PSG2: variants seen among roughly 807,000 people sequenced by gnomAD.
PSG2 encodes the protein pregnancy specific beta-1-glycoprotein 2, also known as pregnancy-specific beta-1-glycoprotein 2.
A neutral mutation model predicts 36.2 loss-of-function variants in PSG2; 49 were observed. The ratio of observed to expected loss-of-function variants is 1.35; its 90% CI spans 1.08 to 1.72. PSG2 has a LOEUF of 1.72. Ranked by LOEUF, PSG2 falls within the 40% of genes most tolerant of loss-of-function variation. PSG2 has a pLI of 0.00. For synonymous variants in PSG2, 261 were observed against 155.6 expected, an observed-to-expected ratio of 1.68 and a Z score of -5.04; for missense variants, 605 against 407.2, an observed-to-expected ratio of 1.49 and a Z score of -4.18.
intron 2 of PSG2, among the ~76,000 whole-genome samples, chr19:43,077,244 A>T (rs188627087): frequency 4.6e-4 from 70 of 151,798 alleles, no homozygotes; most frequent in African/African-American, 1.6e-3. Context: ...AAGATGCCAA[A>T]GGTGATTGGA....
chr19:43,069,723 AT>A (rs1201699595), intron 4 of PSG2, among the ~76,000 whole-genome samples: 11 of 151,732 alleles, frequency 7.2e-5, no homozygotes, highest in Admixed American at 2.0e-4. Context: ...AAAGATCTAA[AT>A]GTAAGAGCAA....
intron 3 of PSG2, among the ~76,000 whole-genome samples, chr19:43,072,871 G>A (rs1967839380): frequency 6.6e-6 from 1 of 151,694 alleles, no homozygotes; most frequent in South Asian, 2.1e-4. Context: ...GCAGTGTTGG[G>A]TCATGGACAG....
chr19:43,065,749 G>T (rs1458280630), intron 5 of PSG2: 1 of 151,736 alleles, frequency 6.6e-6, no homozygotes, highest in Non-Finnish European at 1.5e-5. Context: ...ATCAGGAAAA[G>T]ATCTCAACCA....
chr19:43,077,087 G>A (rs1371222380), intron 2 of PSG2, among the ~76,000 whole-genome samples: 2 of 151,540 alleles, frequency 1.3e-5, no homozygotes, highest in African/African-American at 4.9e-5. Flanking sequence ...AAAATTTGGA[G>A]GAAATATTAA....
rs1967885052 is a variant in PSG2, at chr19:43,075,645, C to A, written c.431-13G>T. On this transcript the variant is annotated splice_polypyrimidine_tract_variant and intron_variant, in intron 2 of 5. Transcript: ENST00000406487. ...TTGGGAGTCTCCACTGTGCAGAAAA[C>A]AGAGAGAAGATTGCCCTGTGTGGCA... 1 of 1,607,412 alleles carries A rather than the reference C, an allele frequency of 6.2e-7. No individual in the cohort carries two copies. The highest frequency in any genetic ancestry group is 1.1e-5 in the South Asian group (1 of 90,550).
chr19:43,074,724 A>G (rs1967866432), intron 3 of PSG2, among the ~76,000 whole-genome samples: 1 of 151,740 alleles, frequency 6.6e-6, no homozygotes, highest in African/African-American at 2.4e-5. Context: ...CCTCTTGATT[A>G]TGAGATTTGT....
Position 43,079,830 on chromosome 19 carries a change from A to T in PSG2, c.430+1051T>A, listed in dbSNP as rs987565993. 2.5e-4 allele frequency among the ~76,000 whole-genome samples: 38 copies of T among 151,538 alleles called. 1 individual carries two copies. Among genetic ancestry groups the T allele is most frequent in the African/African-American group, 9.0e-4 (37 of 41,018 alleles). ...CAATAAATGACATGGGGTCCTTGGG[A>T]CCCAGTAAGCCCTCACTTCTGGTGG... On this transcript the variant is annotated intron_variant, in intron 2 of 5. Transcript: ENST00000406487.
chr19:43,077,704 C>T (rs1203096362), intron 2 of PSG2, among the ~76,000 whole-genome samples: 1 of 151,798 alleles, frequency 6.6e-6, no homozygotes, highest in Non-Finnish European at 1.5e-5. Flanking sequence ...GTGTACGTTA[C>T]AGCATTTGTA....
In PSG2 at chr19:43,081,235, T is replaced by G. The variant is rs747707991; in HGVS notation, c.76A>C (p.Asn26His). The change falls in exon 2 of 6, where the codon AAC becomes CAC. Residue 26 changes from asparagine (N) to histidine (H), a missense_variant. By Grantham distance (68) the Asn-to-His change is moderately conservative (BLOSUM62 1). Transcript: ENST00000406487. ...KGLLVTASLL[N>H]FWNLPTTAQV... ...GCAGTGGTGGGCAGGTTCCAGAAGT[T>G]TAAAAGTGATGCTAGGAGGTGGAGA... 17 of 1,611,646 alleles carry G rather than the reference T, an allele frequency of 1.1e-5. 1 individual carries two copies. The highest frequency in any genetic ancestry group is 8.1e-5 in the African/African-American group (6 of 73,906).
Position 43,081,042 on chromosome 19 carries a change from A to G in PSG2, c.269T>C (p.Ile90Thr). The change falls in exon 2 of 6, where the codon ATA (isoleucine) becomes ACA (threonine). Residue 90 changes from isoleucine to threonine, a missense_variant. By Grantham distance (89) the Ile-to-Thr change is moderately conservative. Coordinates refer to ENST00000406487, the MANE Select transcript of PSG2 (RefSeq NM_031246.4). The stretch of plus-strand genomic sequence containing the variant: ...TCGTCCACTATATGCAGGCCCATAT[A>G]TAATTATTTGACCGTCTACTACATA... ...TSYVVDGQII[I>T]YGPAYSGRET... The G allele has an allele frequency of 1.2e-6, 2 of 1,612,930 alleles. No homozygotes were observed. The highest frequency in any genetic ancestry group is 1.1e-5 in the South Asian group (1 of 91,036).
Position 43,081,113 on chromosome 19 carries a change from G to C in PSG2, c.198C>G (p.Ile66Met), listed in dbSNP as rs1967966493. The stretch of plus-strand genomic sequence containing the variant: ...GGTCCCTGATTTGCCCTTTGTACCA[G>C]ATGTAGCCAGTAAGATTCTGGGGCA... The part of the protein sequence containing the change: ...HNLPQNLTGY[I>M]WYKGQIRDLY... Residue 66 changes from isoleucine to methionine, a missense_variant, in exon 2 of 6, where the codon ATC becomes ATG. Physicochemically the swap from Ile to Met is conservative, Grantham distance 10. Transcript: ENST00000406487. 6.2e-7 allele frequency: 1 copy of C among 1,612,830 alleles called. No homozygotes were observed. The highest frequency in any genetic ancestry group is 1.1e-5 in the South Asian group (1 of 91,038).
intron 5 of PSG2, chr19:43,065,840 G>A (rs1022676513): frequency 4.0e-5 from 6 of 151,838 alleles, no homozygotes; most frequent in African/African-American, 9.8e-5. Flanking sequence ...TGTTGCTTGT[G>A]ATGAAGGGTG....
intron 5 of PSG2, among the ~76,000 whole-genome samples, chr19:43,065,248 T>A (rs1420939944): frequency 6.6e-6 from 1 of 151,676 alleles, no homozygotes; most frequent in Non-Finnish European, 1.5e-5. Context: ...ATAAGGTGGC[T>A]TTTCCGTTCA....
intron 4 of PSG2, among the ~76,000 whole-genome samples, chr19:43,069,649 T>C (rs28864807): frequency 0.3 from 44,895 of 151,400 alleles, 8,758 homozygotes; most frequent in African/African-American, 0.53. Context: ...AGCTGGATAT[T>C]CAAGGGCAAG....
chr19:43,064,461 T>C lies in PSG2; in HGVS notation c.*181A>G, dbSNP rs1329892964. 1.2e-5 allele frequency: 5 copies of C among 434,504 alleles called. No homozygotes were observed. The East Asian group carries it at 1.5e-4, about 13-fold the overall frequency. 26.9% of individuals were successfully genotyped at this position (434,504 alleles called of 1,614,324 possible). ...TTATTTAGTCCAATAACATTGAGTA[T>C]TTTTCTTCTTTGTCTTGAATTTCAT... is the stretch of plus-strand genomic sequence containing the variant. On this transcript the variant is annotated 3_prime_UTR_variant, in exon 6 of 6. Coordinates refer to ENST00000406487, the MANE Select transcript of PSG2 (RefSeq NM_031246.4).
At position 43,082,629 on chromosome 19, in the gene PSG2, T is replaced by G; in HGVS notation, c.-60A>C. The G allele has an allele frequency of 6.3e-7, 1 of 1,592,954 alleles. No homozygotes were observed. Among genetic ancestry groups the G allele is most frequent in the South Asian group, 1.1e-5 (1 of 90,270 alleles). On this transcript the variant is annotated 5_prime_UTR_variant, in exon 1 of 6. Transcript: ENST00000406487. ...ATGAGCCTAGGATCCAGAAACTTCC[T>G]GAGCACGGCTGTCAGCTGTGCTGTC...
intron 3 of PSG2, among the ~76,000 whole-genome samples, chr19:43,074,586 C>T (rs1053490125): frequency 6.6e-6 from 1 of 151,636 alleles, no homozygotes; most frequent in Non-Finnish European, 1.5e-5. Flanking sequence ...AACATATTCC[C>T]TGTCCTGGGG....
intron 1 of PSG2, 31 bp downstream of exon 1, chr19:43,082,475 C>T (rs764260339): frequency 5.0e-6 from 8 of 1,604,524 alleles, no homozygotes; most frequent in Non-Finnish European, 2.6e-6. Flanking sequence ...TCTTCCTCCT[C>T]CTGTCCTCTC....
chr19:43,067,449 C>CAT lies in PSG2; in HGVS notation c.965-851_965-850dup, dbSNP rs761501366. Among the ~76,000 whole-genome samples the CAT allele has an allele frequency of 4.9e-3, 731 of 149,478 alleles. 16 individuals carry two copies. Among genetic ancestry groups the CAT allele is most frequent in the African/African-American group, 0.016 (647 of 40,420 alleles). On this transcript the variant is annotated intron_variant, in intron 4 of 5. Transcript: ENST00000406487. The stretch of plus-strand genomic sequence containing the variant: ...GTGTTTTATGTGTTACCTCTTTTTC[C>CAT]ATATATATATATATGGAAAAAGGTA...
Sources: gnomAD v4.1 joint callset for allele counts (sites outside exome capture counted in the v4.1 genomes callset) on GRCh38, gnomAD v4.1.1 for gene constraint, MANE v1.5 for transcripts, NCBI Gene and HGNC (gene_info 2026-07-23, HGNC 2026-07-21) for gene names.